Variants in IL12B observed in about 807,000 individuals in gnomAD.
IL12B encodes the protein interleukin-12 subunit beta.
Under a neutral mutation model 39.2 loss-of-function variants are expected in IL12B, and 27 were observed. The ratio of observed to expected loss-of-function variants is 0.69; its 90% confidence interval spans 0.51 to 0.95. The LOEUF (loss-of-function observed/expected upper bound fraction) is 0.95, where lower values mean the gene tolerates loss of function less well. IL12B is among the 40% of genes least tolerant of loss of function. The pLI is 0.00. For missense variants in IL12B, 351 were observed against 397.6 expected (o/e 0.88, Z 1.00); for synonymous variants, 142 against 152.1 (o/e 0.93, Z 0.49).
At chr5:159,316,306 G>A (rs534719147) in intron 7 of IL12B, among the ~76,000 whole-genome samples, 1 of 152,324 alleles carries the variant, frequency 6.6e-6, no homozygotes, top group East Asian at 1.9e-4. Context: ...ATATCTGATT[G>A]TGTTACTTCC....
At chr5:159,316,390 A>C (rs1319184256) in intron 7 of IL12B, among the ~76,000 whole-genome samples, 1 of 152,178 alleles carries the variant, frequency 6.6e-6, no homozygotes, top group Non-Finnish European at 1.5e-5. Flanking sequence ...CAAGCTTGCA[A>C]GTCCTCCATG....
chr5:159,319,878 G>C (rs1403825605), intron 5 of IL12B, among the ~76,000 whole-genome samples: 1 of 152,194 alleles, frequency 6.6e-6, no homozygotes, highest in Admixed American at 6.5e-5. Context: ...TTTTGGAAGG[G>C]TTTATATTCT....
rs1584751912 is a variant in IL12B at position 159,316,792 on chromosome 5, T to A, written c.880A>T (p.Thr294Ser). ...EKKDRVFTDK[T>S]SATVICRKNA... Reference sequence around the variant, plus strand: ...TTGCGGCAGATGACCGTGGCTGAGGTCTTGTCCGTGAAGACTCTATCTTTC... The same window carrying A: ...TTGCGGCAGATGACCGTGGCTGAGGACTTGTCCGTGAAGACTCTATCTTTC... The change falls in exon 7 of 8, where the codon ACC (threonine) becomes TCC (serine). Residue 294 changes from threonine to serine, a missense_variant. By Grantham distance (58) the Thr-to-Ser change is moderately conservative. Coordinates refer to ENST00000231228, the MANE Select transcript of IL12B (RefSeq NM_002187.3). 3 of 1,614,014 alleles carry A rather than the reference T, an allele frequency of 1.9e-6. No individual in the cohort carries two copies. The highest frequency in any genetic ancestry group is 2.5e-6 in the Non-Finnish European group (3 of 1,180,010).
intron 2 of IL12B, among the ~76,000 whole-genome samples, chr5:159,324,019 T>A (rs1259846614): frequency 6.6e-6 from 1 of 152,180 alleles, no homozygotes; most frequent in Non-Finnish European, 1.5e-5. Context: ...GAAACTCTCT[T>A]AACAATTTTC....
chr5:159,324,456 C>A (rs1754154700), intron 2 of IL12B, among the ~76,000 whole-genome samples: 1 of 152,194 alleles, frequency 6.6e-6, no homozygotes, highest in South Asian at 2.1e-4. Context: ...GCAGCATCAC[C>A]TTGGAATAGA....
rs1253573493 is a variant in IL12B at position 159,323,283 on chromosome 5, C to A, written c.135G>T (p.Met45Ile). The A allele has an allele frequency of 6.2e-7, 1 of 1,613,994 alleles. No homozygotes were observed. ...CAGGGGTGTCACAGGTGAGGACCAC[C>A]ATTTCTCCAGGGGCATCCGGATACC... ...LDWYPDAPGE[M>I]VVLTCDTPEE... The change falls in exon 3 of 8, where the codon ATG becomes ATT. Residue 45 changes from methionine (M) to isoleucine (I), a missense_variant. Coordinates refer to ENST00000231228, the MANE Select transcript of IL12B (RefSeq NM_002187.3).
chr5:159,325,332 G>T (rs542943344), intron 2 of IL12B, among the ~76,000 whole-genome samples: 2 of 152,312 alleles, frequency 1.3e-5, no homozygotes, highest in African/African-American at 4.8e-5. Context: ...TTACTTAAGA[G>T]AGTGTCTAAA....
chr5:159,328,559 G>A (rs1312349123), intron 1 of IL12B, among the ~76,000 whole-genome samples: 2 of 152,124 alleles, frequency 1.3e-5, no homozygotes, highest in African/African-American at 4.8e-5. Context: ...GGAACAATTC[G>A]GTATCTGTGT....
At chr5:159,316,461 G>A (rs1018387867) in intron 7 of IL12B, among the ~76,000 whole-genome samples, 4 of 152,156 alleles carry the variant, frequency 2.6e-5, no homozygotes, top group East Asian at 1.9e-4. Flanking sequence ...CCAGAACCCC[G>A]GTCTGTTTTC....
Position 159,330,456 on chromosome 5 carries a change from CCAATGGCCCTGAAA to C in IL12B, c.-39_-26del, listed in dbSNP as rs1754257895. On this transcript the variant is annotated 5_prime_UTR_variant, in exon 1 of 8. Transcript: ENST00000231228. ...CCTTGCTCTGGGCAGGACGGAGAGT[CCAATGGCCCTGAAA>C]CAGATGTTGTTTCTTCTGCTGCTGT... The C allele has an allele frequency of 6.6e-6, 1 of 152,318 alleles. No individual in the cohort carries two copies. The highest frequency in any genetic ancestry group is 6.5e-5 in the Admixed American group (1 of 15,280). The allele number at this position is 152,318 out of a possible 1,614,324, so 9.4% of individuals were successfully genotyped here.
Position 159,320,445 on chromosome 5 carries a change from C to A in IL12B, c.558G>T (p.Glu186Asp). ...CCTGGCACTCCACTGAGTACTCATA[C>A]TCCTTGTTGTCCCCTCTGACTCTCT... ...SAERVRGDNK[E>D]YEYSVECQED... Residue 186 changes from glutamate to aspartate, a missense_variant, in exon 5 of 8, where the codon GAG (glutamate) becomes GAT (aspartate). Glu to Asp is a conservative substitution (Grantham distance 45). Transcript: ENST00000231228. 3 of 1,614,186 alleles carry A rather than the reference C, an allele frequency of 1.9e-6. No homozygotes were observed. In the East Asian group the frequency reaches 6.7e-5, roughly 36 times the overall value.
At chr5:159,319,015 C>T (rs1584752849) in intron 5 of IL12B, 122 bp from the exon 6 acceptor site, 1 of 854,370 alleles carries the variant, frequency 1.2e-6, no homozygotes, top group Non-Finnish European at 1.9e-6. Flanking sequence ...TACTTAACTT[C>T]TGTGAGCACC....
chr5:159,320,247 T>C, intron 5 of IL12B, 59 bp downstream of exon 5: 1 of 1,460,902 alleles, frequency 6.8e-7, no homozygotes, highest in Non-Finnish European at 9.6e-7. Context: ...TGGGGCATTG[T>C]GAACACGTGA....
intron 2 of IL12B, 97 bp downstream of exon 2, chr5:159,326,598 A>G (rs1754193710): frequency 1.5e-5 from 12 of 823,918 alleles, no homozygotes; most frequent in Non-Finnish European, 2.1e-5. Flanking sequence ...GACCCAGTGC[A>G]TGGTTGCCCA....
chr5:159,316,163 T>G, intron 7 of IL12B, 63 bp from the exon 8 acceptor site: 1 of 158,154 alleles, frequency 6.3e-6, no homozygotes, highest in Non-Finnish European at 1.4e-5. Flanking sequence ...TCTTCTTATT[T>G]CTCACAACAT....
chr5:159,318,722 G>C lies in IL12B; in HGVS notation c.855+14C>G. The C allele has an allele frequency of 6.2e-7, 1 of 1,613,770 alleles. No homozygotes were observed. The highest frequency in any genetic ancestry group is 1.3e-5 in the African/African-American group (1 of 75,008). ...ACTGACCAAGGAATATACTGCACCT[G>C]AATCACTTCTTACCTTTTCTCTCTT... On this transcript the variant is annotated intron_variant, in intron 6 of 7. Coordinates refer to ENST00000231228, the MANE Select transcript of IL12B (RefSeq NM_002187.3).
chr5:159,325,503 CCTT>C (rs1200993089), intron 2 of IL12B: 2 of 152,156 alleles, frequency 1.3e-5, no homozygotes, highest in Non-Finnish European at 2.9e-5. Flanking sequence ...ATATTTTCAT[CCTT>C]AATTTATGTC....
At chr5:159,321,262 C>T (rs953653703) in intron 4 of IL12B, among the ~76,000 whole-genome samples, 1 of 151,742 alleles carries the variant, frequency 6.6e-6, no homozygotes, top group African/African-American at 2.4e-5. Flanking sequence ...GTCTCAGCCT[C>T]CCAAAGAGTT....
At chr5:159,322,855 T>C (rs1453023857) in intron 3 of IL12B, among the ~76,000 whole-genome samples, 199 bp downstream of exon 3, 1 of 152,146 alleles carries the variant, frequency 6.6e-6, no homozygotes, top group Non-Finnish European at 1.5e-5. Flanking sequence ...TCCCTTAATA[T>C]GAGATTTTGA....
Sources: gnomAD v4.1 joint callset for allele counts (sites outside exome capture counted in the v4.1 genomes callset) on GRCh38, gnomAD v4.1.1 for gene constraint, MANE v1.5 for transcripts, NCBI Gene and HGNC (gene_info 2026-07-23, HGNC 2026-07-21) for gene names.